GABRG3: variants seen among roughly 807,000 people sequenced by gnomAD.
GABRG3 encodes the protein gamma-aminobutyric acid type A receptor subunit gamma3.
GABRG3 carries 25 observed loss-of-function variants against 48.8 expected under a neutral mutation model. That is an observed-to-expected ratio of 0.51 (90% CI 0.37 to 0.72). The LOEUF (loss-of-function observed/expected upper bound fraction) is 0.72. GABRG3 is among the 30% of genes least tolerant of loss of function. GABRG3 has a pLI of 0.00. For synonymous variants in GABRG3, 227 were observed against 217.6 expected (o/e 1.04, Z -0.38); for missense variants, 394 against 577.9 (o/e 0.68, Z 3.26).
intron 3 of GABRG3, among the ~76,000 whole-genome samples, chr15:27,148,103 T>C (rs1783633138): frequency 1.3e-5 from 2 of 151,870 alleles, no homozygotes; most frequent in South Asian, 4.1e-4. Context: ...CGCACATTAC[T>C]TAATTAGGGA....
intron 6 of GABRG3, among the ~76,000 whole-genome samples, chr15:27,510,615 C>T (rs138226047): frequency 4.6e-5 from 7 of 152,302 alleles, no homozygotes; most frequent in African/African-American, 1.7e-4. Flanking sequence ...TCAGACTCAG[C>T]ATTTAGTGAT....
intron 3 of GABRG3, among the ~76,000 whole-genome samples, chr15:27,112,805 A>C (rs1897577079): frequency 6.6e-6 from 1 of 152,124 alleles, no homozygotes. Flanking sequence ...ACACCCTATC[A>C]ATCAGTCAGC....
chr15:27,146,494 A>G (rs1040714596), intron 3 of GABRG3, among the ~76,000 whole-genome samples: 3 of 152,094 alleles, frequency 2.0e-5, no homozygotes, highest in Non-Finnish European at 2.9e-5. Context: ...TAGTAAAGAT[A>G]GCTAAAAAGG....
intron 3 of GABRG3, among the ~76,000 whole-genome samples, chr15:27,309,294 T>A (rs961436338): frequency 1.4e-5 from 2 of 147,582 alleles, no homozygotes; most frequent in South Asian, 4.2e-4. Flanking sequence ...ATTCTGTGTT[T>A]TATATATGTG....
chr15:27,430,923 G>A (rs1475971787), intron 5 of GABRG3, among the ~76,000 whole-genome samples: 7 of 152,018 alleles, frequency 4.6e-5, no homozygotes, highest in African/African-American at 1.7e-4. Flanking sequence ...CCAAGAGGCA[G>A]AGGTTGCAGT....
At chr15:27,057,537 C>T (rs1020816328) in intron 3 of GABRG3, among the ~76,000 whole-genome samples, 21 of 152,248 alleles carry the variant, frequency 1.4e-4, no homozygotes, top group African/African-American at 3.6e-4. Flanking sequence ...TATACATCTA[C>T]GGGGCTGCAC....
intron 5 of GABRG3, among the ~76,000 whole-genome samples, chr15:27,366,990 A>G (rs1259886057): frequency 6.6e-6 from 1 of 151,902 alleles, no homozygotes; most frequent in African/African-American, 2.4e-5. Context: ...TCACTTCCCT[A>G]TCCCCTGGTG....
chr15:27,365,050 A>T (rs957151248), intron 5 of GABRG3: 2 of 152,102 alleles, frequency 1.3e-5, no homozygotes, highest in Non-Finnish European at 2.9e-5. Flanking sequence ...CTCTACACAC[A>T]CTCACACAGA....
At chr15:27,508,213 A>C (rs73369559) in intron 6 of GABRG3, among the ~76,000 whole-genome samples, 26,509 of 152,176 alleles carry the variant, frequency 0.17, 3,505 homozygotes, top group East Asian at 0.41. Context: ...GTAAAAACAT[A>C]TTCCAGCTGT....
At chr15:27,279,876 A>G (rs1262634004) in intron 3 of GABRG3, among the ~76,000 whole-genome samples, 1 of 152,138 alleles carries the variant, frequency 6.6e-6, no homozygotes, top group African/African-American at 2.4e-5. Flanking sequence ...GAATCTTCCA[A>G]TCCATGAAAA....
At chr15:27,487,020 T>G (rs1890236749) in intron 6 of GABRG3, among the ~76,000 whole-genome samples, 1 of 152,180 alleles carries the variant, frequency 6.6e-6, no homozygotes, top group Admixed American at 6.5e-5. Context: ...TTTGTCATAT[T>G]TTTCTGAATG....
intron 2 of GABRG3, among the ~76,000 whole-genome samples, chr15:27,009,222 T>G (rs1420192289): frequency 6.6e-6 from 1 of 152,172 alleles, no homozygotes; most frequent in Non-Finnish European, 1.5e-5. Context: ...GCTCGAATAC[T>G]GATAGCAAAC....
chr15:27,294,810 T>A (rs539453616), intron 3 of GABRG3: 82 of 152,356 alleles, frequency 5.4e-4, no homozygotes, highest in African/African-American at 1.7e-3. Flanking sequence ...CTGTAGAATC[T>A]TTCAGAAACC....
At chr15:27,069,038 G>A (rs1235704301) in intron 3 of GABRG3, among the ~76,000 whole-genome samples, 1 of 152,168 alleles carries the variant, frequency 6.6e-6, no homozygotes, top group Non-Finnish European at 1.5e-5. Context: ...TAAATCCCAA[G>A]GGAGAGAAAT....
At chr15:27,164,909 T>A (rs1174523803) in intron 3 of GABRG3, among the ~76,000 whole-genome samples, 3 of 152,178 alleles carry the variant, frequency 2.0e-5, no homozygotes, top group African/African-American at 7.2e-5. Flanking sequence ...CAGTGGAAAG[T>A]GATGTCTCTC....
At chr15:27,160,316 C>T (rs1044544733) in intron 3 of GABRG3, among the ~76,000 whole-genome samples, 1 of 152,128 alleles carries the variant, frequency 6.6e-6, no homozygotes, top group Non-Finnish European at 1.5e-5. Context: ...CTTGCCCCAA[C>T]CCCCTTTATC....
intron 3 of GABRG3, chr15:27,294,937 C>T (rs1891928998): frequency 6.6e-6 from 1 of 152,092 alleles, no homozygotes; most frequent in Non-Finnish European, 1.5e-5. Context: ...CTCAGCGCGC[C>T]CTCGTCAGAA....
intron 3 of GABRG3, among the ~76,000 whole-genome samples, chr15:27,303,156 G>T (rs546603157): frequency 6.6e-6 from 1 of 151,330 alleles, no homozygotes; most frequent in African/African-American, 2.4e-5. Context: ...ACCAAGAACA[G>T]TAGATGAAAT....
intron 3 of GABRG3, among the ~76,000 whole-genome samples, chr15:27,293,686 C>CA (rs201367127): frequency 6.8e-5 from 10 of 146,552 alleles, no homozygotes; most frequent in East Asian, 4.2e-4. Context: ...TCAAAAAAAA[C>CA]AAACAAAAAA....
Sources: gnomAD v4.1 joint callset for allele counts (sites outside exome capture counted in the v4.1 genomes callset) on GRCh38, gnomAD v4.1.1 for gene constraint, MANE v1.5 for transcripts, NCBI Gene and HGNC (gene_info 2026-07-23, HGNC 2026-07-21) for gene names.